Variants in GOLGB1 observed in about 807,000 individuals in gnomAD.
GOLGB1 encodes the protein golgin subfamily B member 1.
A neutral mutation model predicts 336.9 loss-of-function variants in GOLGB1; 174 were observed. The ratio of observed to expected loss-of-function variants is 0.52; its 90% CI spans 0.46 to 0.59. GOLGB1 has a LOEUF of 0.59. Ranked by LOEUF, GOLGB1 falls within the 20% of genes least tolerant of loss-of-function variation. GOLGB1 has a pLI of 0.00. For synonymous variants in GOLGB1, 1,208 were observed against 1,289.2 expected (o/e 0.94, Z 1.35); for missense variants, 3,331 against 3,645.3 (o/e 0.91, Z 2.22).
intron 1 of GOLGB1, among the ~76,000 whole-genome samples, chr3:121,740,519 C>A (rs1170620447): frequency 6.6e-6 from 1 of 152,028 alleles, no homozygotes; most frequent in African/African-American, 2.4e-5. Flanking sequence ...ATTAATGTAC[C>A]AATGTTGGTT....
chr3:121,697,064 A>G lies in GOLGB1; in HGVS notation c.3459T>C (p.Ser1153=). Residue 1153 remains serine, a synonymous_variant, in exon 13 of 22, where the codon AGT becomes AGC. Transcript: ENST00000614479. ...GTTCACTACTACCTGTACAAGGTGG[A>G]CTTATCACCACTGTTTCCTTTACAA... ...VALVKETVVI[S]PPCTGSSEHW... 2 of 1,613,816 alleles carry G rather than the reference A, an allele frequency of 1.2e-6. No individual in the cohort carries two copies. The highest frequency in any genetic ancestry group is 2.7e-5 in the African/African-American group (2 of 74,988).
chr3:121,676,931 G>T lies in GOLGB1; in HGVS notation c.9139C>A (p.His3047Asn), dbSNP rs1940466546. 6.2e-7 allele frequency: 1 copy of T among 1,613,696 alleles called. No individual in the cohort carries two copies. Among genetic ancestry groups the T allele is most frequent in the South Asian group, 1.1e-5 (1 of 91,064 alleles). ...TGCTGAATTCTTAACTCCTTTTGGT[G>T]AATTTCCTTTAAGCTGTCATTGAGC... ...TQLNDSLKEI[H>N]QKELRIQQLN... Residue 3047 changes from histidine to asparagine, a missense_variant, in exon 17 of 22, where the codon CAC (histidine) becomes AAC (asparagine). His to Asn is a moderately conservative substitution (Grantham distance 68, BLOSUM62 1). Transcript: ENST00000614479.
chr3:121,745,140 T>C (rs1947156501), intron 1 of GOLGB1, among the ~76,000 whole-genome samples: 3 of 152,086 alleles, frequency 2.0e-5, no homozygotes, highest in East Asian at 3.8e-4. Flanking sequence ...TAAGTAGCCA[T>C]GCTTAAGCTA....
At chr3:121,667,389 A>G in intron 20 of GOLGB1, 87 bp downstream of exon 20, 1 of 1,383,982 alleles carries the variant, frequency 7.2e-7, no homozygotes, top group Non-Finnish European at 9.9e-7. Flanking sequence ...AAAAGATCTT[A>G]AGAAATCCTA....
chr3:121,683,384 G>A (rs983800018), intron 14 of GOLGB1, among the ~76,000 whole-genome samples: 21 of 152,116 alleles, frequency 1.4e-4, no homozygotes, highest in African/African-American at 4.6e-4. Context: ...AGTGCTTGAA[G>A]TCTTTCCCCT....
chr3:121,727,067 T>C, intron 4 of GOLGB1, 26 bp from the exon 5 acceptor site: 1 of 1,370,262 alleles, frequency 7.3e-7, no homozygotes, highest in Non-Finnish European at 1.0e-6. Flanking sequence ...ATAAAGTCAT[T>C]ATTTAAAAGA....
intron 10 of GOLGB1, among the ~76,000 whole-genome samples, chr3:121,704,899 A>C (rs976222301): frequency 3.9e-5 from 6 of 152,188 alleles, no homozygotes; most frequent in Non-Finnish European, 7.3e-5. Context: ...AAAAAAACTA[A>C]GAAAATTTTT....
intron 1 of GOLGB1, 103 bp from the exon 2 acceptor site, chr3:121,731,076 G>A: frequency 8.7e-7 from 1 of 1,149,544 alleles, no homozygotes; most frequent in Non-Finnish European, 1.2e-6. Flanking sequence ...AAAGAATACT[G>A]TACAGGTGAT....
At chr3:121,676,269 T>C (rs1274554356) in intron 17 of GOLGB1, among the ~76,000 whole-genome samples, 4 of 152,204 alleles carry the variant, frequency 2.6e-5, no homozygotes, top group African/African-American at 9.7e-5. Flanking sequence ...TCCAGGGCCT[T>C]TTTCCTCATC....
Position 121,699,261 on chromosome 3 carries a change from T to C in GOLGB1, c.1594-332A>G, listed in dbSNP as rs1326063607. ...TGATTTTTTTTAAAAAGTAAGCAGA[T>C]ACTTTTGTTAGGAAGCCACATTACT... On this transcript the variant is annotated intron_variant, in intron 12 of 21. Coordinates refer to ENST00000614479, the MANE Select transcript of GOLGB1 (RefSeq NM_001366282.2). Among the ~76,000 whole-genome samples the C allele has an allele frequency of 2.0e-5, 3 of 152,160 alleles. No individual in the cohort carries two copies. In the East Asian group the frequency reaches 5.8e-4, roughly 29 times the overall value.
At chr3:121,667,918 T>A (rs1208263930) in intron 19 of GOLGB1, 143 bp downstream of exon 19, 1 of 572,646 alleles carries the variant, frequency 1.7e-6, no homozygotes, top group Non-Finnish European at 3.1e-6. Flanking sequence ...ATTGTTACTA[T>A]TTGATCCTCA....
chr3:121,692,049 C>T lies in GOLGB1; in HGVS notation c.7315G>A (p.Ala2439Thr), dbSNP rs150108711. 9.1e-5 allele frequency: 147 copies of T among 1,612,616 alleles called. 1 individual carries two copies. The Middle Eastern group carries it at 2.5e-3, about 27-fold the overall frequency. The change falls in exon 14 of 22, where the codon GCT (alanine) becomes ACT (threonine). Residue 2439 changes from alanine to threonine, a missense_variant. Transcript: ENST00000614479. ...ATAAGCTGATTGGTTTTATCAACAG[C>T]CTTTTTGTTCTCCTCTTCTAAAACA... ...NIVLEEENKK[A>T]VDKTNQLMET...
intron 10 of GOLGB1, among the ~76,000 whole-genome samples, chr3:121,703,830 G>A (rs992497020): frequency 3.3e-5 from 5 of 152,088 alleles, no homozygotes; most frequent in Admixed American, 2.6e-4. Flanking sequence ...ATAAAATGAT[G>A]CAGATTTTGT....
chr3:121,692,552 G>T lies in GOLGB1; in HGVS notation c.6812C>A (p.Ser2271Tyr). The change falls in exon 14 of 22, where the codon TCC becomes TAC. Residue 2271 changes from serine (S) to tyrosine (Y), a missense_variant. Ser to Tyr is a moderately radical substitution (Grantham distance 144). Coordinates refer to ENST00000614479, the MANE Select transcript of GOLGB1 (RefSeq NM_001366282.2). ...AAGCTGGACCTCTGTCTGGGCCTTG[G>T]ACTCCCAAATCTGCTTGTCATGTTC... ...RLEHDKQIWE[S>Y]KAQTEVQLQQ... 6.3e-7 allele frequency: 1 copy of T among 1,595,848 alleles called. No homozygotes were observed. The highest frequency in any genetic ancestry group is 8.5e-7 in the Non-Finnish European group (1 of 1,174,022).
chr3:121,683,575 A>G (rs1395031491), intron 14 of GOLGB1, among the ~76,000 whole-genome samples: 1 of 152,216 alleles, frequency 6.6e-6, no homozygotes, highest in Non-Finnish European at 1.5e-5. Flanking sequence ...ACAAGGTTTT[A>G]GACCCTCCCC....
At position 121,694,364 on chromosome 3, in the gene GOLGB1, A is replaced by G. The variant is rs1212142464; in HGVS notation, c.6159T>C (p.Val2053=). 1 of 1,613,346 alleles carries G rather than the reference A, an allele frequency of 6.2e-7. No homozygotes were observed. The highest frequency in any genetic ancestry group is 1.1e-5 in the South Asian group (1 of 90,974). ...CCAAATCTTTTTGAGATTCAGTTTG[A>G]ACAAATTCTAGAGCTTTAACAGTTC... ...LERTVKALEF[V]QTESQKDLEI... The change falls in exon 13 of 22, where the codon GTT becomes GTC. Residue 2053 remains valine (V), a synonymous_variant. Coordinates refer to ENST00000614479, the MANE Select transcript of GOLGB1 (RefSeq NM_001366282.2).
Position 121,707,366 on chromosome 3 carries a change from A to G in GOLGB1, c.1405-4771T>C, listed in dbSNP as rs538244706. Among the ~76,000 whole-genome samples the G allele has an allele frequency of 1.1e-3, 174 of 152,168 alleles. 1 individual carries two copies. The highest frequency in any genetic ancestry group is 0.011 in the Admixed American group (165 of 15,290). On this transcript the variant is annotated intron_variant, in intron 10 of 21. Coordinates refer to ENST00000614479, the MANE Select transcript of GOLGB1 (RefSeq NM_001366282.2). ...GCCAGGTGCAGTAGCTCACACCTGTAATCCCAGCACTCTGGGAGGCCAAGG... is the reference window on the plus strand; with the variant it reads ...GCCAGGTGCAGTAGCTCACACCTGTGATCCCAGCACTCTGGGAGGCCAAGG...
chr3:121,691,333 C>T lies in GOLGB1; in HGVS notation c.8031G>A (p.Lys2677=), dbSNP rs143090901. 104 of 1,612,338 alleles carry T rather than the reference C, an allele frequency of 6.5e-5. No individual in the cohort carries two copies. The African/African-American group carries it at 1.3e-3, about 19-fold the overall frequency. ...TCAGTTTATCTTCAATTTCACCTACCTTCTTGGCAGCTTCCTTTTGAACAC... is the reference window on the plus strand; with the variant it reads ...TCAGTTTATCTTCAATTTCACCTACTTTCTTGGCAGCTTCCTTTTGAACAC... ...LVCVQKEAAK[K]VGEIEDKLKK... The change falls in exon 14 of 22, where the codon AAG becomes AAA. Residue 2677 remains lysine (K), a synonymous_variant. Coordinates refer to ENST00000614479, the MANE Select transcript of GOLGB1 (RefSeq NM_001366282.2).
chr3:121,673,658 A>G (rs1391632893), intron 17 of GOLGB1, among the ~76,000 whole-genome samples: 1 of 151,952 alleles, frequency 6.6e-6, no homozygotes, highest in Non-Finnish European at 1.5e-5. Flanking sequence ...AGTATTTTAA[A>G]TTCTTTGTAG....
Sources: allele counts gnomAD v4.1 joint callset (sites outside exome capture counted in the v4.1 genomes callset), GRCh38; gene constraint gnomAD v4.1.1; transcripts MANE v1.5; gene names NCBI Gene and HGNC (gene_info 2026-07-23, HGNC 2026-07-21).